SYTL5: variants seen among roughly 807,000 people sequenced by gnomAD.
SYTL5 encodes the protein synaptotagmin-like protein 5.
SYTL5 carries 34 observed loss-of-function variants against 55.9 expected under a neutral mutation model. That is an observed-to-expected ratio of 0.61 (90% CI 0.46 to 0.81). SYTL5 has a LOEUF of 0.81. SYTL5 is among the 30% of genes least tolerant of loss of function. SYTL5 has a pLI of 0.00. For synonymous variants in SYTL5, 221 were observed against 188.7 expected, an observed-to-expected ratio of 1.17 and a Z score of -1.40; for missense variants, 637 against 546.7, an observed-to-expected ratio of 1.17 and a Z score of -1.65.
At chrX:37,971,172 G>A in the SYTL5 span, among the ~76,000 whole-genome samples, 4 of 109,808 alleles carry the variant, frequency 3.6e-5, no homozygotes, top group Admixed American at 9.7e-5. Flanking sequence ...ATATATAGAC[G>A]TATTAAGCAT....
rs781007910 is a variant in SYTL5 at position 38,089,437 on chromosome X, C to T, written c.690-9C>T. Reference sequence around the variant, plus strand: ...CCATGTTAAAGTCAGAATATGCTTTCTCATTTAGGGGAAGCACTGGCTCAT... The same window carrying T: ...CCATGTTAAAGTCAGAATATGCTTTTTCATTTAGGGGAAGCACTGGCTCAT... On this transcript the variant is annotated splice_polypyrimidine_tract_variant and intron_variant, in intron 6 of 16. Transcript: ENST00000297875. The T allele has an allele frequency of 1.0e-5, 12 of 1,200,704 alleles. No homozygotes were observed. In the South Asian group the frequency reaches 1.5e-4, roughly 15 times the overall value.
At chrX:37,995,171 G>C in the SYTL5 span, among the ~76,000 whole-genome samples, 1 of 110,516 alleles carries the variant, frequency 9.0e-6, no homozygotes, top group Admixed American at 9.6e-5. Context: ...GAGTTGGCTG[G>C]GGTCCTCCGA....
chrX:37,997,851 C>T, the SYTL5 span, among the ~76,000 whole-genome samples: 1 of 112,254 alleles, frequency 8.9e-6, no homozygotes, highest in East Asian at 2.8e-4. Flanking sequence ...CTGGGCCCAC[C>T]CATGGCCACC....
At chrX:37,908,727 C>T in the SYTL5 span, among the ~76,000 whole-genome samples, 1 of 109,096 alleles carries the variant, frequency 9.2e-6, no homozygotes, top group Admixed American at 9.7e-5. Context: ...GAGACTGCAC[C>T]TTGCCTGTGT....
At chrX:37,955,306 G>T in the SYTL5 span, among the ~76,000 whole-genome samples, 1 of 111,842 alleles carries the variant, frequency 8.9e-6, no homozygotes. Flanking sequence ...TCTTTCCAGG[G>T]AACTTAGAGG....
At chrX:38,090,108 G>A (rs1034467927) in intron 7 of SYTL5, among the ~76,000 whole-genome samples, 1 of 111,771 alleles carries the variant, frequency 8.9e-6, no homozygotes, top group African/African-American at 3.3e-5. Flanking sequence ...AGAAAGACCA[G>A]GTTCAAAGGT....
the SYTL5 span, chrX:37,990,858 T>G: frequency 6.2e-4 from 745 of 1,202,373 alleles, 6 homozygotes; most frequent in African/African-American, 0.012. Context: ...GAAAAAGAAC[T>G]GTAAGAACTC....
At chrX:37,996,013 C>G in the SYTL5 span, among the ~76,000 whole-genome samples, 7 of 111,756 alleles carry the variant, frequency 6.3e-5, no homozygotes, top group Admixed American at 6.6e-4. Context: ...AACGGTCACT[C>G]TGACCTTGTA....
chrX:38,016,816 C>G (rs889713094), intron 1 of SYTL5, among the ~76,000 whole-genome samples: 19 of 112,048 alleles, frequency 1.7e-4, no homozygotes, highest in Non-Finnish European at 3.4e-4. Context: ...AGCTGTCTGA[C>G]CATGCATTTC....
upstream of SYTL5, among the ~76,000 whole-genome samples, chrX:38,005,143 C>T (rs1239367855): frequency 9.0e-6 from 1 of 111,539 alleles, no homozygotes; most frequent in Admixed American, 9.5e-5. Flanking sequence ...AGGTTGATCT[C>T]CCAAATTCAT....
At chrX:38,118,141 C>A (rs915456445) in intron 13 of SYTL5, among the ~76,000 whole-genome samples, 1 of 111,679 alleles carries the variant, frequency 9.0e-6, no homozygotes, top group African/African-American at 3.3e-5. Context: ...GGAACCTGAT[C>A]TAAAATAATC....
At chrX:38,049,129 G>C (rs1422351117) in intron 2 of SYTL5, among the ~76,000 whole-genome samples, 1 of 111,257 alleles carries the variant, frequency 9.0e-6, no homozygotes, top group African/African-American at 3.3e-5. Flanking sequence ...TGATTTTTGT[G>C]TCATTGTTGA....
chrX:38,040,030 C>A (rs1049093773), intron 2 of SYTL5, among the ~76,000 whole-genome samples: 2 of 110,285 alleles, frequency 1.8e-5, no homozygotes, highest in Non-Finnish European at 3.8e-5. Flanking sequence ...AAAAAATTAC[C>A]CGGGCGTGGT....
chrX:37,929,935 G>A, the SYTL5 span, among the ~76,000 whole-genome samples: 1 of 112,295 alleles, frequency 8.9e-6, no homozygotes, highest in Non-Finnish European at 1.9e-5. Context: ...GAAGTTAGCT[G>A]AAAATTAATT....
the SYTL5 span, among the ~76,000 whole-genome samples, chrX:37,962,181 G>T: frequency 5.5e-5 from 6 of 109,939 alleles, no homozygotes; most frequent in African/African-American, 2.0e-4. Flanking sequence ...CCATTAACTC[G>T]TCATTTACAT....
intron 15 of SYTL5, among the ~76,000 whole-genome samples, chrX:38,122,695 A>G (rs762560642): frequency 8.9e-6 from 1 of 112,074 alleles, no homozygotes; most frequent in Non-Finnish European, 1.9e-5. Flanking sequence ...CTCCAAGACC[A>G]CCTGCTAGGC....
chrX:37,911,694 A>G, the SYTL5 span, among the ~76,000 whole-genome samples: 1 of 111,809 alleles, frequency 8.9e-6, no homozygotes, highest in Non-Finnish European at 1.9e-5. Flanking sequence ...TTGGATATGA[A>G]GAAAATATTT....
intron 1 of SYTL5, among the ~76,000 whole-genome samples, chrX:38,022,023 A>G (rs1934570518): frequency 8.9e-6 from 1 of 112,734 alleles, no homozygotes; most frequent in South Asian, 3.6e-4. Flanking sequence ...TGCAAAATAC[A>G]ATTTAAGTAA....
chrX:37,955,361 A>T, the SYTL5 span, among the ~76,000 whole-genome samples: 4 of 111,994 alleles, frequency 3.6e-5, no homozygotes, highest in Non-Finnish European at 7.5e-5. Flanking sequence ...TTGTTTAAAA[A>T]TATCTAAATT....
Sources: allele counts gnomAD v4.1 joint callset (sites outside exome capture counted in the v4.1 genomes callset), GRCh38; gene constraint gnomAD v4.1.1; transcripts MANE v1.5; gene names NCBI Gene and HGNC (gene_info 2026-07-23, HGNC 2026-07-21).